Variants in CSMD1 observed in about 807,000 individuals in gnomAD.
CSMD1 encodes CUB and Sushi multiple domains 1, also known as CUB and sushi domain-containing protein 1.
CSMD1 carries 213 observed loss-of-function variants against 417.5 expected under a neutral mutation model. The observed-to-expected ratio is 0.51, with a 90% CI of 0.46 to 0.57. The LOEUF is 0.57. Among genes scored for constraint, CSMD1 ranks in the 20% least tolerant of loss-of-function variants. The pLI, the probability that CSMD1 is intolerant of heterozygous loss-of-function variation, is 0.00. For synonymous variants in CSMD1, 2,862 were observed against 1,736.8 expected (o/e 1.65, Z -16.11); for missense variants, 6,923 against 4,529.7 (o/e 1.53, Z -15.17).
intron 1 of CSMD1, among the ~76,000 whole-genome samples, chr8:4,843,135 A>G (rs930158135): frequency 2.6e-5 from 4 of 152,320 alleles, no homozygotes; most frequent in African/African-American, 9.6e-5. Flanking sequence ...ATGAACAAAC[A>G]TGCCCAAGGG....
intron 1 of CSMD1, among the ~76,000 whole-genome samples, chr8:4,888,435 T>C (rs2164901): frequency 0.93 from 140,463 of 151,734 alleles, 65,456 homozygotes; most frequent in East Asian, 0.97. Flanking sequence ...ACACAACATA[T>C]GATATACATA....
chr8:4,686,316 C>G (rs1404490050), intron 1 of CSMD1, among the ~76,000 whole-genome samples: 1 of 152,172 alleles, frequency 6.6e-6, no homozygotes, highest in East Asian at 1.9e-4. Flanking sequence ...GCAATCATGC[C>G]ATTCCTGATT....
chr8:3,876,666 G>A (rs34709267), intron 5 of CSMD1, among the ~76,000 whole-genome samples: 28,550 of 152,078 alleles, frequency 0.19, 2,941 homozygotes, highest in African/African-American at 0.28. Flanking sequence ...GTGAAGTGCA[G>A]TGGTGCTATC....
Position 4,788,115 on chromosome 8 carries a change from G to A in CSMD1, c.86-150557C>T, listed in dbSNP as rs571390824. The A allele has an allele frequency of 5.1e-5, 81 of 1,603,604 alleles. No homozygotes were observed. In the African/African-American group the frequency reaches 6.4e-4, roughly 13 times the overall value. The stretch of plus-strand genomic sequence containing the variant: ...GAAATCAGAAAGTCAGTGCAGGGTT[G>A]TAGTGTTGATGGGCTCTACTTCTGA... On this transcript the variant is annotated intron_variant, in intron 1 of 69. Transcript: ENST00000635120.
chr8:3,406,398 C>T (rs924072763), intron 14 of CSMD1, among the ~76,000 whole-genome samples, 177 bp from the exon 15 acceptor site: 16 of 152,034 alleles, frequency 1.1e-4, no homozygotes, highest in African/African-American at 3.9e-4. Flanking sequence ...ATATCAGTGT[C>T]TAGTGAGAAA....
chr8:4,006,739 C>A (rs150022641), intron 4 of CSMD1, among the ~76,000 whole-genome samples: 1 of 151,726 alleles, frequency 6.6e-6, no homozygotes, highest in South Asian at 2.1e-4. Context: ...CAGACTGGAA[C>A]CAGAAGGAAC....
At chr8:4,562,841 A>G (rs979034660) in intron 2 of CSMD1, among the ~76,000 whole-genome samples, 2 of 152,198 alleles carry the variant, frequency 1.3e-5, no homozygotes, top group Non-Finnish European at 2.9e-5. Flanking sequence ...TATCAGGAAG[A>G]ATTCAAATGC....
At chr8:3,560,553 T>A (rs73658191) in intron 10 of CSMD1, among the ~76,000 whole-genome samples, 2 of 152,008 alleles carry the variant, frequency 1.3e-5, no homozygotes, top group Non-Finnish European at 2.9e-5. Context: ...CTCCTCTGAG[T>A]TATAAATGAC....
intron 2 of CSMD1, among the ~76,000 whole-genome samples, chr8:4,586,487 A>C (rs903725030): frequency 6.6e-6 from 1 of 152,232 alleles, no homozygotes; most frequent in Non-Finnish European, 1.5e-5. Flanking sequence ...GATAAAAATC[A>C]CACCTAGTTC....
At chr8:3,439,965 C>G (rs73660007) in intron 12 of CSMD1, among the ~76,000 whole-genome samples, 3,075 of 152,222 alleles carry the variant, frequency 0.02, 119 homozygotes, top group African/African-American at 0.069. Flanking sequence ...AGGAGGGCAT[C>G]TTCTGTGGGT....
At chr8:4,297,557 C>A (rs958033761) in intron 3 of CSMD1, among the ~76,000 whole-genome samples, 1 of 152,110 alleles carries the variant, frequency 6.6e-6, no homozygotes, top group Non-Finnish European at 1.5e-5. Flanking sequence ...ATTTATAATG[C>A]TAAATGTTGT....
At chr8:4,196,047 T>C (rs1334015291) in intron 3 of CSMD1, among the ~76,000 whole-genome samples, 1 of 151,924 alleles carries the variant, frequency 6.6e-6, no homozygotes, top group Non-Finnish European at 1.5e-5. Context: ...TCGTCTCTAC[T>C]GAAAATACAA....
chr8:3,948,561 C>A (rs1451234236), intron 5 of CSMD1, among the ~76,000 whole-genome samples: 1 of 152,046 alleles, frequency 6.6e-6, no homozygotes, highest in Admixed American at 6.6e-5. Context: ...GGACAAAGAT[C>A]TTGACTGTGA....
intron 12 of CSMD1, among the ~76,000 whole-genome samples, chr8:3,445,842 G>A (rs960455101): frequency 6.6e-6 from 1 of 152,138 alleles, no homozygotes; most frequent in Non-Finnish European, 1.5e-5. Flanking sequence ...ATCCTTGAAA[G>A]AAAGAGTATA....
chr8:3,623,682 A>G (rs1796362391), intron 7 of CSMD1, among the ~76,000 whole-genome samples: 1 of 152,166 alleles, frequency 6.6e-6, no homozygotes, highest in Non-Finnish European at 1.5e-5. Flanking sequence ...GTTAAGAATG[A>G]GCTGACTCCA....
intron 5 of CSMD1, among the ~76,000 whole-genome samples, chr8:3,790,467 A>C (rs1799674564): frequency 1.3e-5 from 2 of 152,182 alleles, no homozygotes; most frequent in African/African-American, 4.8e-5. Context: ...GGTAATGTTG[A>C]TGGTGATGCT....
chr8:4,600,254 C>T (rs1216179266), intron 2 of CSMD1, among the ~76,000 whole-genome samples: 2 of 152,164 alleles, frequency 1.3e-5, no homozygotes, highest in Non-Finnish European at 1.5e-5. Context: ...CTCTCTCCCA[C>T]TCTGACACTG....
chr8:3,199,426 G>A (rs1376417016), intron 33 of CSMD1, among the ~76,000 whole-genome samples: 1 of 151,910 alleles, frequency 6.6e-6, no homozygotes, highest in Non-Finnish European at 1.5e-5. Flanking sequence ...GTCATCTTAC[G>A]AGATGTGAAG....
chr8:4,191,713 C>T (rs1040542394), intron 3 of CSMD1, among the ~76,000 whole-genome samples: 4 of 147,006 alleles, frequency 2.7e-5, no homozygotes, highest in African/African-American at 7.6e-5. Context: ...TATATATACT[C>T]TCCTTCCACT....
Sources: allele counts gnomAD v4.1 joint callset (sites outside exome capture counted in the v4.1 genomes callset), GRCh38; gene constraint gnomAD v4.1.1; transcripts MANE v1.5; gene names NCBI Gene and HGNC (gene_info 2026-07-23, HGNC 2026-07-21).